The following UGGT2 variants were observed in gnomAD, a reference collection of about 807,000 sequenced individuals.
UGGT2 encodes the protein UDP-glucose:glycoprotein glucosyltransferase 2.
Under a neutral mutation model 192.1 loss-of-function variants are expected in UGGT2, and 180 were observed. The observed-to-expected ratio is 0.94, with a 90% CI of 0.83 to 1.06. The LOEUF is 1.06. Among genes scored for constraint, UGGT2 ranks in the 50% least tolerant of loss-of-function variants. UGGT2 has a pLI of 0.00. For synonymous variants in UGGT2, 580 were observed against 591.0 expected (o/e 0.98, Z 0.27); for missense variants, 1,849 against 1,795.7 (o/e 1.03, Z -0.54).
At chr13:95,919,699 C>T (rs1303255131) in intron 20 of UGGT2, among the ~76,000 whole-genome samples, 2 of 152,012 alleles carry the variant, frequency 1.3e-5, no homozygotes, top group African/African-American at 2.4e-5. Context: ...CAAAGGAAAT[C>T]GGAGAGGACA....
intron 20 of UGGT2, among the ~76,000 whole-genome samples, chr13:95,924,413 T>TTTTTTTTTTTTTTTTTTTTTTTTTTA (rs2048952784): frequency 7.4e-6 from 1 of 134,946 alleles, no homozygotes. Flanking sequence ...TTTTTTTTTT[T>TTTTTTTTTTTTTTTTTTTTTTTTTTA]TTTTTTTTTT....
At chr13:95,865,382 T>C (rs183506615) in intron 30 of UGGT2, among the ~76,000 whole-genome samples, 2 of 152,266 alleles carry the variant, frequency 1.3e-5, no homozygotes, top group East Asian at 1.9e-4. Flanking sequence ...TGGTGGCTCA[T>C]GCCTGTAATC....
intron 12 of UGGT2, among the ~76,000 whole-genome samples, chr13:95,959,014 A>C (rs1417691961): frequency 6.6e-6 from 1 of 152,198 alleles, no homozygotes; most frequent in Non-Finnish European, 1.5e-5. Flanking sequence ...CCAGTCCCAC[A>C]AACCCCTGAG....
intron 15 of UGGT2, among the ~76,000 whole-genome samples, chr13:95,945,755 GT>G (rs34756863): frequency 0.35 from 52,499 of 151,854 alleles, 9,834 homozygotes; most frequent in East Asian, 0.45. Flanking sequence ...CAGTAAGTTA[GT>G]AAAACAAATA....
chr13:95,951,151 G>A (rs1348908015), intron 12 of UGGT2, among the ~76,000 whole-genome samples: 1 of 152,070 alleles, frequency 6.6e-6, no homozygotes, highest in Non-Finnish European at 1.5e-5. Context: ...GAGGAATTTA[G>A]GGTATATGTT....
Position 95,854,411 on chromosome 13 carries a change from G to GT in UGGT2, c.4072dup (p.Thr1358AsnfsTer5). ...TTCCCTGCGGCTATCACAAAATGGA[G>GT]TATACCCATAAGGAGCTCCATCCAG... On this transcript the variant is annotated frameshift_variant, in exon 35 of 39. Transcript: ENST00000376747. LOFTEE classifies it high-confidence loss of function. The GT allele has an allele frequency of 6.2e-7, 1 of 1,613,668 alleles. No individual in the cohort carries two copies. Among genetic ancestry groups the GT allele is most frequent in the Non-Finnish European group, 8.5e-7 (1 of 1,179,806 alleles).
rs746664447 is a variant in UGGT2, at chr13:95,927,305, T to A, written c.2009A>T (p.Asp670Val). 6.2e-7 allele frequency: 1 copy of A among 1,609,186 alleles called. No individual in the cohort carries two copies. Among genetic ancestry groups the A allele is most frequent in the Non-Finnish European group, 8.5e-7 (1 of 1,178,768 alleles). ...AACATTATTCCTATCCATTAGAAAA[T>A]CAATTGCATTCGTGCGATCATTTAA... ...GTLNDRTNAI[D>V]FLMDRNNVVP... Residue 670 changes from aspartate to valine, a missense_variant, in exon 18 of 39, where the codon GAT (aspartate) becomes GTT (valine). Coordinates refer to ENST00000376747, the MANE Select transcript of UGGT2 (RefSeq NM_020121.4).
chr13:95,912,702 A>G (rs2048542639), intron 20 of UGGT2, among the ~76,000 whole-genome samples: 1 of 152,178 alleles, frequency 6.6e-6, no homozygotes, highest in African/African-American at 2.4e-5. Flanking sequence ...CCATCAAGCT[A>G]CCAATGACTT....
intron 12 of UGGT2, among the ~76,000 whole-genome samples, chr13:95,968,095 G>A (rs923973419): frequency 6.6e-6 from 1 of 151,732 alleles, no homozygotes; most frequent in Non-Finnish European, 1.5e-5. Flanking sequence ...AAATCTTAAG[G>A]ATAATTATAT....
chr13:95,895,297 C>T lies in UGGT2; in HGVS notation c.2642G>A (p.Gly881Glu). 2.1e-6 allele frequency: 3 copies of T among 1,443,736 alleles called. No homozygotes were observed. Among genetic ancestry groups the T allele is most frequent in the Non-Finnish European group, 2.8e-6 (3 of 1,060,628 alleles). The allele number at this position is 1,443,736 out of a possible 1,614,324, so 89.4% of individuals were successfully genotyped here. Residue 881 changes from glycine to glutamate, a missense_variant, in exon 23 of 39, where the codon GGA becomes GAA. Transcript: ENST00000376747. ...MGIVSNGRFL[G>E]PLDEDFYAED... Reference sequence around the variant, plus strand: ...TGCATAAAAATCTTCATCTAAAGGTCCTAAGAACTTAAAATAAAAACAGTT... The same window carrying T: ...TGCATAAAAATCTTCATCTAAAGGTTCTAAGAACTTAAAATAAAAACAGTT...
At chr13:95,985,017 A>G (rs2051245237) in intron 9 of UGGT2, 1 of 161,964 alleles carries the variant, frequency 6.2e-6, no homozygotes. Context: ...TTAGCCATTA[A>G]GCAATGTTAG....
At chr13:96,024,831 ACT>A (rs2052616845) in intron 2 of UGGT2, among the ~76,000 whole-genome samples, 2 of 152,310 alleles carry the variant, frequency 1.3e-5, no homozygotes, top group South Asian at 4.1e-4. Flanking sequence ...AACACCAGAT[ACT>A]CTCTTTCTGA....
At chr13:95,929,065 G>C (rs148764666) in intron 17 of UGGT2, among the ~76,000 whole-genome samples, 2,568 of 152,168 alleles carry the variant, frequency 0.017, 73 homozygotes, top group African/African-American at 0.059. Context: ...GTGGCGGCGC[G>C]CGCCTGCAAT....
intron 30 of UGGT2, among the ~76,000 whole-genome samples, chr13:95,865,966 A>T (rs1890618008): frequency 6.6e-6 from 1 of 152,216 alleles, no homozygotes; most frequent in Non-Finnish European, 1.5e-5. Context: ...GTCCAAGGTC[A>T]CACAGCTAGT....
At chr13:95,818,093 G>A (rs1266309828) in intron 38 of UGGT2, among the ~76,000 whole-genome samples, 1 of 152,276 alleles carries the variant, frequency 6.6e-6, no homozygotes, top group South Asian at 2.1e-4. Flanking sequence ...GATGGCTTGA[G>A]CCAGGGAGTT....
chr13:96,017,626 A>G (rs947309193), intron 4 of UGGT2, among the ~76,000 whole-genome samples: 3 of 152,210 alleles, frequency 2.0e-5, no homozygotes, highest in Admixed American at 6.5e-5. Context: ...TAAGAACACA[A>G]TAACTTTGTG....
chr13:95,883,362 G>A (rs1034383262), intron 27 of UGGT2, among the ~76,000 whole-genome samples: 1 of 152,190 alleles, frequency 6.6e-6, no homozygotes, highest in Non-Finnish European at 1.5e-5. Context: ...AGGTCAGAGG[G>A]AGGACAATAA....
At chr13:95,811,987 T>A (rs1884609292) in intron 38 of UGGT2, among the ~76,000 whole-genome samples, 1 of 152,088 alleles carries the variant, frequency 6.6e-6, no homozygotes, top group Non-Finnish European at 1.5e-5. Context: ...AAATAGGAAA[T>A]GGCTTCTTTA....
intron 20 of UGGT2, among the ~76,000 whole-genome samples, chr13:95,922,112 A>G (rs761434040): frequency 6.6e-6 from 1 of 152,176 alleles, no homozygotes; most frequent in Non-Finnish European, 1.5e-5. Flanking sequence ...ATTGAAATCA[A>G]TCTACACATT....
Sources: allele counts gnomAD v4.1 joint callset (sites outside exome capture counted in the v4.1 genomes callset), GRCh38; gene constraint gnomAD v4.1.1; transcripts MANE v1.5; gene names NCBI Gene and HGNC (gene_info 2026-07-23, HGNC 2026-07-21).